The following CSMD3 variants were observed in gnomAD, a reference collection of about 807,000 sequenced individuals.
The protein encoded by CSMD3 is CUB and sushi domain-containing protein 3.
A neutral mutation model predicts 435.2 loss-of-function variants in CSMD3; 177 were observed. That is an observed-to-expected ratio of 0.41 (90% CI 0.36 to 0.46). The LOEUF is 0.46. CSMD3 is among the 20% of genes least tolerant of loss of function. The probability of loss-of-function intolerance (pLI) is 0.34; values close to 1 mark genes in which losing one functional copy is unlikely to be tolerated. For missense variants in CSMD3, 4,265 were observed against 4,504.6 expected, an observed-to-expected ratio of 0.95 and a Z score of 1.52; for synonymous variants, 1,656 against 1,520.5, an observed-to-expected ratio of 1.09 and a Z score of -2.07.
chr8:112,309,079 C>G (rs1821712663), intron 50 of CSMD3, among the ~76,000 whole-genome samples: 1 of 151,760 alleles, frequency 6.6e-6, no homozygotes, highest in Non-Finnish European at 1.5e-5. Context: ...TTTTACTTCA[C>G]CAAATATCTC....
At chr8:113,224,360 C>A (rs2093002870) in intron 3 of CSMD3, among the ~76,000 whole-genome samples, 1 of 151,154 alleles carries the variant, frequency 6.6e-6, no homozygotes, top group Non-Finnish European at 1.5e-5. Context: ...CGAGGCTTTA[C>A]ATTCTCTGAA....
chr8:112,447,390 G>C (rs1391495013), intron 32 of CSMD3, among the ~76,000 whole-genome samples: 2 of 151,936 alleles, frequency 1.3e-5, no homozygotes, highest in African/African-American at 4.8e-5. Flanking sequence ...CACATCCCTT[G>C]GTGTTTCAAA....
At chr8:112,848,650 T>C (rs989908447) in intron 11 of CSMD3, among the ~76,000 whole-genome samples, 6 of 152,108 alleles carry the variant, frequency 3.9e-5, no homozygotes, top group African/African-American at 1.4e-4. Context: ...TGCTGTTTTA[T>C]TTATTAACTT....
rs536549712 is a variant in CSMD3 at position 112,873,806 on chromosome 8, CTTCTTTA to C, written c.1634-14547_1634-14541del. On this transcript the variant is annotated intron_variant, in intron 10 of 70. Coordinates refer to ENST00000297405, the MANE Select transcript of CSMD3 (RefSeq NM_198123.2). ...TGTCTATTTGATTCTTCTCTCTTTT[CTTCTTTA>C]TTATTCTGGCTAGCAGACTATTTTG... is the stretch of plus-strand genomic sequence containing the variant. 5.9e-3 allele frequency among the ~76,000 whole-genome samples: 902 copies of C among 151,912 alleles called. 4 individuals are homozygous for C. Among genetic ancestry groups the C allele is most frequent in the Middle Eastern group, 0.014 (4 of 294 alleles).
At chr8:112,586,901 T>C (rs990513537) in intron 23 of CSMD3, among the ~76,000 whole-genome samples, 165 bp downstream of exon 23, 1 of 151,526 alleles carries the variant, frequency 6.6e-6, no homozygotes, top group Non-Finnish European at 1.5e-5. Flanking sequence ...AAAACAATAA[T>C]AGAAAATGAG....
At chr8:112,979,681 G>C (rs559098418) in intron 6 of CSMD3, among the ~76,000 whole-genome samples, 1 of 151,338 alleles carries the variant, frequency 6.6e-6, no homozygotes, top group Non-Finnish European at 1.5e-5. Flanking sequence ...TTGTCTGACA[G>C]CACAGTTAAA....
intron 22 of CSMD3, among the ~76,000 whole-genome samples, chr8:112,633,442 T>C (rs1253836531): frequency 6.6e-6 from 1 of 152,070 alleles, no homozygotes; most frequent in African/African-American, 2.4e-5. Context: ...AGACATCATA[T>C]CTTTACTGAT....
At chr8:113,095,254 T>C (rs566754462) in intron 5 of CSMD3, among the ~76,000 whole-genome samples, 7 of 152,070 alleles carry the variant, frequency 4.6e-5, no homozygotes, top group Non-Finnish European at 7.3e-5. Flanking sequence ...ATCCATTTAT[T>C]AATTTAGGAA....
chr8:112,685,695 T>G lies in CSMD3; in HGVS notation c.2193A>C (p.Thr731=). Residue 731 remains threonine, a synonymous_variant, in exon 15 of 71, where the codon ACA becomes ACC. Transcript: ENST00000297405. ...CLSNFTAPMG[T]VLSPDYPEGY... ...CTTCTGGGTAATCAGGAGAAAGAACTGTTCCCATTGGTGCAGTAAAGTTAG... is the reference window on the plus strand; with the variant it reads ...CTTCTGGGTAATCAGGAGAAAGAACGGTTCCCATTGGTGCAGTAAAGTTAG... The G allele has an allele frequency of 6.2e-7, 1 of 1,613,322 alleles. No individual in the cohort carries two copies. The highest frequency in any genetic ancestry group is 1.1e-5 in the South Asian group (1 of 91,058).
intron 13 of CSMD3, among the ~76,000 whole-genome samples, chr8:112,715,647 C>A (rs2076708584): frequency 6.6e-6 from 1 of 152,100 alleles, no homozygotes. Context: ...TCCAATATCC[C>A]TGATGAACAT....
At chr8:112,761,052 A>G (rs1180244997) in intron 13 of CSMD3, among the ~76,000 whole-genome samples, 1 of 152,154 alleles carries the variant, frequency 6.6e-6, no homozygotes, top group East Asian at 1.9e-4. Context: ...GAGTTCACTT[A>G]TATCCCTTTT....
intron 16 of CSMD3, among the ~76,000 whole-genome samples, chr8:112,673,258 A>G (rs1343583586): frequency 6.7e-6 from 1 of 149,600 alleles, no homozygotes; most frequent in Non-Finnish European, 1.5e-5. Flanking sequence ...TCATGGTTCA[A>G]AAAAAAAAAA....
Position 112,689,864 on chromosome 8 carries a change from TCA to T in CSMD3, c.2155+2_2155+3del. 6.2e-7 allele frequency: 1 copy of T among 1,611,906 alleles called. No homozygotes were observed. The highest frequency in any genetic ancestry group is 2.2e-5 in the East Asian group (1 of 44,774). ...TATCTGGAAGCAAAGCATTTGGTAC[TCA>T]CAGATACAGATGGGTATGTTTGCAG... On this transcript the variant is annotated splice_donor_variant and splice_donor_region_variant and intron_variant, in intron 14 of 70. Transcript: ENST00000297405. LOFTEE classifies it high-confidence loss of function.
At chr8:112,248,917 A>T (rs1158539764) in intron 63 of CSMD3, among the ~76,000 whole-genome samples, 1 of 152,080 alleles carries the variant, frequency 6.6e-6, no homozygotes, top group Non-Finnish European at 1.5e-5. Flanking sequence ...ACATGGATTG[A>T]TTCCAAGAAG....
intron 31 of CSMD3, among the ~76,000 whole-genome samples, chr8:112,476,385 A>C (rs1212938931): frequency 1.3e-5 from 2 of 152,134 alleles, no homozygotes; most frequent in Non-Finnish European, 2.9e-5. Flanking sequence ...AGAACATTTG[A>C]ATTTAAGAAG....
intron 1 of CSMD3, among the ~76,000 whole-genome samples, chr8:113,407,041 T>C (rs2094535927): frequency 6.6e-6 from 1 of 152,124 alleles, no homozygotes; most frequent in South Asian, 2.1e-4. Flanking sequence ...ATTAGTAGAC[T>C]ACAAAAGTTA....
chr8:112,534,395 C>T (rs1005129186), intron 27 of CSMD3, among the ~76,000 whole-genome samples: 5 of 152,198 alleles, frequency 3.3e-5, no homozygotes, highest in African/African-American at 1.2e-4. Context: ...ACTACAAACA[C>T]CTAAATAAAC....
chr8:113,355,749 T>TATATATATATACACAC (rs1357514892), intron 1 of CSMD3, among the ~76,000 whole-genome samples: 16 of 81,308 alleles, frequency 2.0e-4, no homozygotes, highest in African/African-American at 5.0e-4. Context: ...TATATATATA[T>TATATATATATACACAC]ACACACACAC....
chr8:113,319,153 C>T (rs1268554638), intron 1 of CSMD3, among the ~76,000 whole-genome samples: 1 of 151,954 alleles, frequency 6.6e-6, no homozygotes, highest in Non-Finnish European at 1.5e-5. Context: ...TTCGTAATGG[C>T]TGTACTAATC....
Sources: gnomAD v4.1 joint callset for allele counts (sites outside exome capture counted in the v4.1 genomes callset) on GRCh38, gnomAD v4.1.1 for gene constraint, MANE v1.5 for transcripts, NCBI Gene and HGNC (gene_info 2026-07-23, HGNC 2026-07-21) for gene names.